RNF111: variants seen among roughly 807,000 people sequenced by gnomAD.
RNF111 encodes the protein E3 ubiquitin-protein ligase Arkadia.
In RNF111, 17 loss-of-function variants were observed where a neutral mutation model predicts 95.1. The observed-to-expected ratio is 0.18, with a 90% confidence interval of 0.12 to 0.27. The LOEUF (loss-of-function observed/expected upper bound fraction) is 0.27, where lower values mean the gene tolerates loss of function less well. Ranked by LOEUF, RNF111 falls within the 10% of genes least tolerant of loss-of-function variation. The probability of loss-of-function intolerance (pLI) is 1.00; values close to 1 mark genes in which losing one functional copy is unlikely to be tolerated. For missense variants in RNF111, 1,189 were observed against 1,210.4 expected (o/e 0.98, Z 0.26); for synonymous variants, 440 against 414.8 (o/e 1.06, Z -0.74).
chr15:59,094,977 C>T lies in RNF111; in HGVS notation c.*77C>T. 2 of 855,748 alleles carry T rather than the reference C, an allele frequency of 2.3e-6. No individual in the cohort carries two copies. The highest frequency in any genetic ancestry group is 2.0e-6 in the Non-Finnish European group (1 of 495,714). 53.0% of individuals were successfully genotyped at this position (855,748 alleles called of 1,614,324 possible). ...CTGCAGTCAACCAAAGATGGCATGACTTACCTGCGCAGATTTGGAAGCATT... is the reference window on the plus strand; with the variant it reads ...CTGCAGTCAACCAAAGATGGCATGATTTACCTGCGCAGATTTGGAAGCATT... On this transcript the variant is annotated 3_prime_UTR_variant, in exon 14 of 14. Coordinates refer to ENST00000348370, the MANE Select transcript of RNF111 (RefSeq NM_017610.8).
At chr15:59,084,896 C>T (rs1232625157) in intron 9 of RNF111, among the ~76,000 whole-genome samples, 1 of 152,082 alleles carries the variant, frequency 6.6e-6, no homozygotes, top group African/African-American at 2.4e-5. Flanking sequence ...AGGGTTACTA[C>T]CAAAGTTGAC....
chr15:59,096,192 T>G lies in RNF111; in HGVS notation c.*1292T>G, dbSNP rs969523724. ...TAACATTTCTCCTTTGGAGGAAGTT[T>G]TAATCTACTTCAGGATGCATATTAT... On this transcript the variant is annotated 3_prime_UTR_variant, in exon 14 of 14. Transcript: ENST00000348370. 2.5e-6 allele frequency: 1 copy of G among 397,038 alleles called. No homozygotes were observed. Among genetic ancestry groups the G allele is most frequent in the Non-Finnish European group, 4.4e-6 (1 of 225,162 alleles). 24.6% of individuals were successfully genotyped at this position (397,038 alleles called of 1,614,324 possible).
intron 1 of RNF111, among the ~76,000 whole-genome samples, chr15:58,997,826 C>G (rs542277479): frequency 6.6e-6 from 1 of 150,980 alleles, no homozygotes; most frequent in Non-Finnish European, 1.5e-5. Context: ...AAAAAAAAAA[C>G]AAAAACCCAA....
chr15:58,998,125 G>C (rs1379199508), intron 1 of RNF111, among the ~76,000 whole-genome samples: 1 of 151,666 alleles, frequency 6.6e-6, no homozygotes, highest in South Asian at 2.1e-4. Context: ...GGCTGGTCTC[G>C]ATCTCCTGAC....
intron 7 of RNF111, among the ~76,000 whole-genome samples, chr15:59,077,995 A>G (rs1274302937): frequency 6.6e-6 from 1 of 152,186 alleles, no homozygotes; most frequent in African/African-American, 2.4e-5. Flanking sequence ...TGGTTCTTAA[A>G]CCTTTTTTCA....
Position 59,095,676 on chromosome 15 carries a change from C to G in RNF111, c.*776C>G. 1 of 214,032 alleles carries G rather than the reference C, an allele frequency of 4.7e-6. No individual in the cohort carries two copies. Among genetic ancestry groups the G allele is most frequent in the East Asian group, 1.0e-4 (1 of 9,950 alleles). 13.3% of individuals were successfully genotyped at this position (214,032 alleles called of 1,614,324 possible). A position where few individuals can be genotyped will look rare whatever the true frequency, so the allele number is the denominator to read the frequency against. On this transcript the variant is annotated 3_prime_UTR_variant, in exon 14 of 14. Transcript: ENST00000348370. ...TTCAGTTTTTGCTGCTGTGAAACAG[C>G]TCTGATGAACACTAAATATTAATTT...
chr15:59,010,169 A>C (rs1230493193), intron 1 of RNF111, among the ~76,000 whole-genome samples: 1 of 152,200 alleles, frequency 6.6e-6, no homozygotes, highest in Non-Finnish European at 1.5e-5. Flanking sequence ...ACATTGTTTT[A>C]TGCTGCTAAT....
chr15:59,022,613 G>T (rs1485450347), intron 1 of RNF111, among the ~76,000 whole-genome samples: 1 of 152,156 alleles, frequency 6.6e-6, no homozygotes, highest in Non-Finnish European at 1.5e-5. Flanking sequence ...TGTTTCTGTG[G>T]ATATCTGTTA....
At chr15:58,992,488 G>A (rs911886439) in intron 1 of RNF111, among the ~76,000 whole-genome samples, 1 of 152,180 alleles carries the variant, frequency 6.6e-6, no homozygotes, top group Non-Finnish European at 1.5e-5. Context: ...ATTGTTCTCT[G>A]CTTTTGTGAG....
chr15:59,021,972 G>T (rs560653747), intron 1 of RNF111, among the ~76,000 whole-genome samples: 3 of 151,870 alleles, frequency 2.0e-5, no homozygotes, highest in Admixed American at 1.3e-4. Flanking sequence ...CGATCCTCCC[G>T]CCTCAGCCTC....
chr15:59,090,293 A>C (rs1185947980), intron 11 of RNF111, among the ~76,000 whole-genome samples: 2 of 152,142 alleles, frequency 1.3e-5, no homozygotes, highest in African/African-American at 4.8e-5. Context: ...GCAGTTGCAC[A>C]ATCTCAGCTC....
rs71425836 is a variant in RNF111, at chr15:59,012,003, CTTTTTTTTTTT to C, written c.-19-18782_-19-18772del. Among the ~76,000 whole-genome samples the C allele has an allele frequency of 6.4e-3, 257 of 40,466 alleles. 4 individuals carry two copies. The highest frequency in any genetic ancestry group is 0.017 in the African/African-American group (210 of 12,132). 26.5% of individuals were successfully genotyped at this position (40,466 alleles called of 152,430 possible). ...TTAGTGTTCTTTTTTGTTTGTTTGC[CTTTTTTTTTTT>C]TTTTTTTTTTTTTTTTTTGAGATGG... On this transcript the variant is annotated intron_variant, in intron 1 of 13. Transcript: ENST00000348370.
Position 59,067,103 on chromosome 15 carries a change from G to A in RNF111, c.1686+20G>A. On this transcript the variant is annotated intron_variant, in intron 6 of 13. Transcript: ENST00000348370. ...GAACAGGTATGTGGAATTTGAGTCAGTCTTTCTTTCCTGCCCCTCTTGTCT... is the reference window on the plus strand; with the variant it reads ...GAACAGGTATGTGGAATTTGAGTCAATCTTTCTTTCCTGCCCCTCTTGTCT... 1.3e-6 allele frequency: 2 copies of A among 1,597,290 alleles called. No homozygotes were observed. The highest frequency in any genetic ancestry group is 1.7e-6 in the Non-Finnish European group (2 of 1,167,094).
In RNF111 at chr15:59,066,812, C is replaced by G. The variant is rs1758650037; in HGVS notation, c.1415C>G (p.Pro472Arg). 1.9e-6 allele frequency: 3 copies of G among 1,614,054 alleles called. No homozygotes were observed. The East Asian group carries it at 6.7e-5, about 36-fold the overall frequency. ...TSSAVTETGP[P>R]AMPRLPSCCP... is the part of the protein sequence containing the mutation. The stretch of plus-strand genomic sequence containing the variant: ...AGTGCTGTAACGGAAACTGGCCCTC[C>G]TGCAATGCCAAGGTTACCTTCCTGC... The change falls in exon 6 of 14, where the codon CCT becomes CGT. Residue 472 changes from proline to arginine, a missense_variant. Pro to Arg is a moderately radical substitution (Grantham distance 103). Coordinates refer to ENST00000348370, the MANE Select transcript of RNF111 (RefSeq NM_017610.8).
intron 1 of RNF111, among the ~76,000 whole-genome samples, chr15:59,007,139 C>G (rs553652261): frequency 6.6e-6 from 1 of 152,056 alleles, no homozygotes; most frequent in Admixed American, 6.6e-5. Flanking sequence ...TAAGTTTTGC[C>G]AAATGCATCT....
intron 3 of RNF111, among the ~76,000 whole-genome samples, chr15:59,054,781 AC>A (rs1474269322): frequency 6.6e-6 from 1 of 152,016 alleles, no homozygotes; most frequent in Non-Finnish European, 1.5e-5. Flanking sequence ...TTAAGCACCC[AC>A]CCCCAATGAC....
chr15:59,055,780 C>G lies in RNF111; in HGVS notation c.1106C>G (p.Ser369Cys), dbSNP rs1225756897. ...PQEPRNRSRI[S>C]TVIQPLRQNA... ...GAGCCACGGAACCGCAGTAGGATTTCTACTGTTATACAGCCCTTGAGGCAG... is the reference window on the plus strand; with the variant it reads ...GAGCCACGGAACCGCAGTAGGATTTGTACTGTTATACAGCCCTTGAGGCAG... Residue 369 changes from serine (S) to cysteine (C), a missense_variant, in exon 4 of 14, where the codon TCT becomes TGT. Around this residue, in one of 2 missense-constraint regions of RNF111, gnomAD observed 1,024 missense variants for 925.9 expected, o/e 1.11. Coordinates refer to ENST00000348370, the MANE Select transcript of RNF111 (RefSeq NM_017610.8). 8 of 1,614,048 alleles carry G rather than the reference C, an allele frequency of 5.0e-6. No individual in the cohort carries two copies. Among genetic ancestry groups the G allele is most frequent in the East Asian group, 2.2e-5 (1 of 44,866 alleles).
intron 8 of RNF111, among the ~76,000 whole-genome samples, chr15:59,083,789 T>A (rs1481594296): frequency 6.6e-6 from 1 of 152,094 alleles, no homozygotes; most frequent in Non-Finnish European, 1.5e-5. Flanking sequence ...ATTTAATTTT[T>A]AAAAATTTTA....
At position 59,012,003 on chromosome 15, in the gene RNF111, C is replaced by CT. The variant is rs71425836; in HGVS notation, c.-19-18772dup. ...TTAGTGTTCTTTTTTGTTTGTTTGC[C>CT]TTTTTTTTTTTTTTTTTTTTTTTTT... On this transcript the variant is annotated intron_variant, in intron 1 of 13. Transcript: ENST00000348370. Among the ~76,000 whole-genome samples the CT allele has an allele frequency of 3.1e-3, 124 of 40,428 alleles. 32 individuals are homozygous for CT. Among genetic ancestry groups the CT allele is most frequent in the Admixed American group, 0.02 (41 of 2,012 alleles). The allele number at this position is 40,428 out of a possible 152,430, so 26.5% of individuals were successfully genotyped here.
Sources: gnomAD v4.1 joint callset for allele counts (sites outside exome capture counted in the v4.1 genomes callset) on GRCh38, gnomAD v4.1.1 for gene constraint, gnomAD v4.1.1 regional missense constraint, MANE v1.5 for transcripts, NCBI Gene and HGNC (gene_info 2026-07-23, HGNC 2026-07-21) for gene names.